The following OR10G7 variants were observed in gnomAD, a reference collection of about 807,000 sequenced individuals.
The protein encoded by OR10G7 is olfactory receptor 10G7.
For synonymous variants in OR10G7, 165 were observed against 167.4 expected (o/e 0.99, Z 0.11); for missense variants, 338 against 382.1 (o/e 0.88, Z 0.96).
In OR10G7 at chr11:124,038,460, G is replaced by C. The variant is rs865835329; in HGVS notation, c.542C>G (p.Pro181Arg). 6 of 1,613,848 alleles carry C rather than the reference G, an allele frequency of 3.7e-6. No homozygotes were observed. The East Asian group carries it at 1.3e-4, about 36-fold the overall frequency. ...TGCACAGGCCAGTTTCAGGATGGGCGGTGCGTCACAGAAGTAGTGCTGGAT... is the reference window on the plus strand; with the variant it reads ...TGCACAGGCCAGTTTCAGGATGGGCCGTGCGTCACAGAAGTAGTGCTGGAT... ...NQIQHYFCDA[P>R]PILKLACADT... is the part of the protein sequence containing the mutation. The change falls in exon 2 of 2, where the codon CCG (proline) becomes CGG (arginine). Residue 181 changes from proline (P) to arginine (R), a missense_variant. Physicochemically the swap from Pro to Arg is moderately radical, Grantham distance 103 (BLOSUM62 -2). Transcript: ENST00000641585.
intron 1 of OR10G7, among the ~76,000 whole-genome samples, chr11:124,040,660 A>G (rs1369624268): frequency 2.0e-5 from 3 of 152,144 alleles, no homozygotes; most frequent in Non-Finnish European, 4.4e-5. Context: ...AGGTTTATAG[A>G]AAAAGCACTT....
Position 124,037,983 on chromosome 11 carries a change from C to G in OR10G7, c.*83G>C, listed in dbSNP as rs1361658367. 1.2e-6 allele frequency: 1 copy of G among 849,622 alleles called. No individual in the cohort carries two copies. The highest frequency in any genetic ancestry group is 1.8e-6 in the Non-Finnish European group (1 of 563,094). 52.6% of individuals were successfully genotyped at this position (849,622 alleles called of 1,614,324 possible). A position where few individuals can be genotyped will look rare whatever the true frequency, so the allele number is the denominator to read the frequency against. On this transcript the variant is annotated 3_prime_UTR_variant, in exon 2 of 2. Transcript: ENST00000641585. ...TTAAGACTGAATAATTGAAATGCTC[C>G]ATTCAAGTATAATGCTTATGTTGAA... is the stretch of plus-strand genomic sequence containing the variant.
chr11:124,039,064 A>G lies in OR10G7; in HGVS notation c.-20-43T>C, dbSNP rs187123603. On this transcript the variant is annotated intron_variant, in intron 1 of 1. Coordinates refer to ENST00000641585, the MANE Select transcript of OR10G7 (RefSeq NM_001004463.2). ...AAGGGAGATAGCATTTACTGTGAGC[A>G]TGTTTTATATGAAATATGGCAACTA... The G allele has an allele frequency of 1.8e-5, 27 of 1,516,574 alleles. No homozygotes were observed. In the African/African-American group the frequency reaches 3.6e-4, roughly 20 times the overall value. 93.9% of individuals were successfully genotyped at this position (1,516,574 alleles called of 1,614,324 possible). A position where few individuals can be genotyped will look rare whatever the true frequency, so the allele number is the denominator to read the frequency against.
chr11:124,039,582 G>T (rs898322500), intron 1 of OR10G7, among the ~76,000 whole-genome samples: 1 of 152,156 alleles, frequency 6.6e-6, no homozygotes, highest in African/African-American at 2.4e-5. Context: ...CTGGCCAGCT[G>T]CAGAACTAAG....
chr11:124,039,524 C>T (rs1362624822), intron 1 of OR10G7, among the ~76,000 whole-genome samples: 1 of 152,136 alleles, frequency 6.6e-6, no homozygotes, highest in Non-Finnish European at 1.5e-5. Flanking sequence ...ATTTCTAAAG[C>T]AAGCTTCATT....
At chr11:124,040,622 G>A (rs1444759103) in intron 1 of OR10G7, among the ~76,000 whole-genome samples, 4 of 152,020 alleles carry the variant, frequency 2.6e-5, no homozygotes, top group Non-Finnish European at 5.9e-5. Context: ...AGCTGCAACT[G>A]AGTTGGAAAC....
chr11:124,038,982 A>G lies in OR10G7; in HGVS notation c.20T>C (p.Leu7Pro), dbSNP rs1325655226. 14 of 1,613,356 alleles carry G rather than the reference A, an allele frequency of 8.7e-6. No individual in the cohort carries two copies. Among genetic ancestry groups the G allele is most frequent in the South Asian group, 7.7e-5 (7 of 91,070 alleles). Reference protein sequence around the residue: MSNATLLTAFILTGLPH... With the variant: MSNATLPTAFILTGLPH... ...AAGGCCCGTGAGGATGAACGCTGTCAGTAGGGTGGCGTTGGACATTTCTTC... is the reference window on the plus strand; with the variant it reads ...AAGGCCCGTGAGGATGAACGCTGTCGGTAGGGTGGCGTTGGACATTTCTTC... Residue 7 changes from leucine to proline, a missense_variant, in exon 2 of 2, where the codon CTG (leucine) becomes CCG (proline). Transcript: ENST00000641585.
chr11:124,037,094 T>A lies in OR10G7; in HGVS notation c.*972A>T, dbSNP rs1167433366. ...TACACTTTAAATATATGTATTTATT[T>A]GGATGACAGATTATAAGGTTCATGG... On this transcript the variant is annotated 3_prime_UTR_variant, in exon 2 of 2. Transcript: ENST00000641585. 6.6e-6 allele frequency: 1 copy of A among 152,258 alleles called. No individual in the cohort carries two copies. The highest frequency in any genetic ancestry group is 1.5e-5 in the Non-Finnish European group (1 of 68,048). 9.4% of individuals were successfully genotyped at this position (152,258 alleles called of 1,614,324 possible).
In OR10G7 at chr11:124,037,598, C is replaced by G. The variant is rs192842860; in HGVS notation, c.*468G>C. 3 of 151,866 alleles carry G rather than the reference C, an allele frequency of 2.0e-5. No homozygotes were observed. Among genetic ancestry groups the G allele is most frequent in the African/African-American group, 7.3e-5 (3 of 41,262 alleles). 9.4% of individuals were successfully genotyped at this position (151,866 alleles called of 1,614,324 possible). A position where few individuals can be genotyped will look rare whatever the true frequency, so the allele number is the denominator to read the frequency against. The stretch of plus-strand genomic sequence containing the variant: ...AAAGCCATTCTTCTTGAGAACCAAG[C>G]CTTTTTGTCTAGTATTTTCTAAAGT... On this transcript the variant is annotated 3_prime_UTR_variant, in exon 2 of 2. Coordinates refer to ENST00000641585, the MANE Select transcript of OR10G7 (RefSeq NM_001004463.2).
In OR10G7 at chr11:124,038,191, C is replaced by T; in HGVS notation, c.811G>A (p.Val271Met). The change falls in exon 2 of 2, where the codon GTG (valine) becomes ATG (methionine). Residue 271 changes from valine to methionine, a missense_variant. Transcript: ENST00000641585. ...PGSRDALHGV[V>M]AVFYTTLTPL... ...GTCAGCGTGGTGTAGAAAACGGCCA[C>T]AACCCCATGCAAGGCGTCCCTGGAG... 1 of 1,614,068 alleles carries T rather than the reference C, an allele frequency of 6.2e-7. No homozygotes were observed. Among genetic ancestry groups the T allele is most frequent in the Non-Finnish European group, 8.5e-7 (1 of 1,180,016 alleles).
At position 124,041,098 on chromosome 11, in the gene OR10G7, G is replaced by A. The variant is rs919048268; in HGVS notation, c.-233C>T. 1.3e-5 allele frequency: 2 copies of A among 152,062 alleles called. No individual in the cohort carries two copies. Among genetic ancestry groups the A allele is most frequent in the South Asian group, 2.1e-4 (1 of 4,830 alleles). 9.4% of individuals were successfully genotyped at this position (152,062 alleles called of 1,614,324 possible). A position where few individuals can be genotyped will look rare whatever the true frequency, so the allele number is the denominator to read the frequency against. On this transcript the variant is annotated 5_prime_UTR_variant, in exon 1 of 2. Transcript: ENST00000641585. ...AGTGAAGATAATGTGTTGACATCAT[G>A]ATAAACACTTGGAATTTTTTCCAAA... is the stretch of plus-strand genomic sequence containing the variant.
intron 1 of OR10G7, among the ~76,000 whole-genome samples, chr11:124,039,528 C>T (rs189655323): frequency 2.6e-5 from 4 of 152,264 alleles, no homozygotes; most frequent in African/African-American, 9.6e-5. Flanking sequence ...CTAAAGCAAG[C>T]TTCATTCTGG....
At chr11:124,039,097 C>A (rs1471531030) in intron 1 of OR10G7, 76 bp from the exon 2 acceptor site, 1 of 1,381,808 alleles carries the variant, frequency 7.2e-7, no homozygotes, top group East Asian at 2.3e-5. Context: ...CTATATTTTT[C>A]TGATTAAGAA....
In OR10G7 at chr11:124,038,750, C is replaced by G; in HGVS notation, c.252G>C (p.Val84=). The G allele has an allele frequency of 6.2e-7, 1 of 1,613,972 alleles. No individual in the cohort carries two copies. Among genetic ancestry groups the G allele is most frequent in the Non-Finnish European group, 8.5e-7 (1 of 1,180,026 alleles). Residue 84 remains valine (V), a synonymous_variant, in exon 2 of 2, where the codon GTG becomes GTC. Transcript: ENST00000641585. ...VTVPKMLMTL[V]SPSGRTISFH... ...AGGAGATAGTCCTGCCGCTTGGGGA[C>G]ACCAAGGTCATCAGCATTTTGGGCA...
chr11:124,040,864 G>A (rs1383233474), intron 1 of OR10G7, 22 bp downstream of exon 1: 2 of 152,078 alleles, frequency 1.3e-5, no homozygotes, highest in African/African-American at 4.8e-5. Context: ...ATGCTGAAGT[G>A]TTGCCAATTT....
chr11:124,038,145 A>G lies in OR10G7; in HGVS notation c.857T>C (p.Val286Ala), dbSNP rs1431207223. 6.2e-7 allele frequency: 1 copy of G among 1,614,114 alleles called. No homozygotes were observed. The highest frequency in any genetic ancestry group is 8.5e-7 in the Non-Finnish European group (1 of 1,180,042). ...TTLTPLFNPV[V>A]YTLRNKEVKK... ...TACCTCCTTGTTTCTCAGGGTGTAC[A>G]CAACAGGGTTGAAAAGAGGAGTCAG... The change falls in exon 2 of 2, where the codon GTG becomes GCG. Residue 286 changes from valine (V) to alanine (A), a missense_variant. By Grantham distance (64) the Val-to-Ala change is moderately conservative. Transcript: ENST00000641585.
Position 124,037,696 on chromosome 11 carries a change from A to T in OR10G7, c.*370T>A, listed in dbSNP as rs1269743504. On this transcript the variant is annotated 3_prime_UTR_variant, in exon 2 of 2. Transcript: ENST00000641585. Reference sequence around the variant, plus strand: ...CTATAATGAATTTTTCAATATAGAAAGTTTAAAACATGAAAAGATTTTTAT... The same window carrying T: ...CTATAATGAATTTTTCAATATAGAATGTTTAAAACATGAAAAGATTTTTAT... 1 of 152,962 alleles carries T rather than the reference A, an allele frequency of 6.5e-6. No homozygotes were observed. The highest frequency in any genetic ancestry group is 1.5e-5 in the Non-Finnish European group (1 of 68,614). The allele number at this position is 152,962 out of a possible 1,614,324, so 9.5% of individuals were successfully genotyped here.
Position 124,038,589 on chromosome 11 carries a change from C to A in OR10G7, c.413G>T (p.Arg138Leu). Residue 138 changes from arginine (R) to leucine (L), a missense_variant, in exon 2 of 2, where the codon CGC (arginine) becomes CTC (leucine). Coordinates refer to ENST00000641585, the MANE Select transcript of OR10G7 (RefSeq NM_001004463.2). ...GCCGGTGGCCAGGAGGGCACACGAG[C>A]GCCCAGTCATCATGTTGGTGTACCT... ...PLRYTNMMTG[R>L]SCALLATGTW... 2 of 1,613,868 alleles carry A rather than the reference C, an allele frequency of 1.2e-6. No individual in the cohort carries two copies. Among genetic ancestry groups the A allele is most frequent in the Non-Finnish European group, 1.7e-6 (2 of 1,179,946 alleles).
chr11:124,037,899 G>T lies in OR10G7; in HGVS notation c.*167C>A. Reference sequence around the variant, plus strand: ...ACCGTGAAATGGCTGCTTTAACTAGGATTCTAACAAACACTCTGCAGAAAA... The same window carrying T: ...ACCGTGAAATGGCTGCTTTAACTAGTATTCTAACAAACACTCTGCAGAAAA... On this transcript the variant is annotated 3_prime_UTR_variant, in exon 2 of 2. Transcript: ENST00000641585. 1 of 497,116 alleles carries T rather than the reference G, an allele frequency of 2.0e-6. No homozygotes were observed. The highest frequency in any genetic ancestry group is 3.5e-6 in the Non-Finnish European group (1 of 289,840). The allele number at this position is 497,116 out of a possible 1,614,324, so 30.8% of individuals were successfully genotyped here.
Sources: allele counts gnomAD v4.1 joint callset (sites outside exome capture counted in the v4.1 genomes callset), GRCh38; gene constraint gnomAD v4.1.1; transcripts MANE v1.5; gene names NCBI Gene and HGNC (gene_info 2026-07-23, HGNC 2026-07-21).